CACNA2D2: variants seen among roughly 807,000 people sequenced by gnomAD.
CACNA2D2 encodes calcium voltage-gated channel auxiliary subunit alpha2delta 2, also known as voltage-dependent calcium channel subunit alpha-2/delta-2.
CACNA2D2 carries 48 observed loss-of-function variants against 166.4 expected under a neutral mutation model. The ratio of observed to expected loss-of-function variants is 0.29; its 90% CI spans 0.23 to 0.37. CACNA2D2 has a LOEUF of 0.37. CACNA2D2 is among the 10% of genes least tolerant of loss of function. The probability of loss-of-function intolerance (pLI) is 1.00; values close to 1 mark genes in which losing one functional copy is unlikely to be tolerated. For missense variants in CACNA2D2, 1,122 were observed against 1,433.0 expected, an observed-to-expected ratio of 0.78 and a Z score of 3.50; for synonymous variants, 561 against 573.7, an observed-to-expected ratio of 0.98 and a Z score of 0.32.
chr3:50,382,968 G>C (rs368798803), intron 6 of CACNA2D2, among the ~76,000 whole-genome samples: 5 of 152,226 alleles, frequency 3.3e-5, no homozygotes, highest in Admixed American at 6.5e-5. Flanking sequence ...AGCCCCATGC[G>C]CACAGACCCG....
At chr3:50,454,264 G>C (rs1709247906) in intron 2 of CACNA2D2, among the ~76,000 whole-genome samples, 2 of 152,206 alleles carry the variant, frequency 1.3e-5, no homozygotes, top group African/African-American at 4.8e-5. Flanking sequence ...GAAAAGAAGG[G>C]GAAGGGACCG....
intron 4 of CACNA2D2, among the ~76,000 whole-genome samples, chr3:50,388,391 C>G (rs1705717693): frequency 6.6e-6 from 1 of 152,274 alleles, no homozygotes. Context: ...ACTCTGCCCC[C>G]ATGGGCTTCA....
chr3:50,426,836 C>A (rs552738870), intron 3 of CACNA2D2, among the ~76,000 whole-genome samples: 102 of 152,300 alleles, frequency 6.7e-4, no homozygotes, highest in African/African-American at 2.3e-3. Context: ...CTTGTCTGAC[C>A]ACCACTAGCT....
Position 50,367,486 on chromosome 3 carries a change from T to A in CACNA2D2, c.2309A>T (p.Asp770Val). The stretch of plus-strand genomic sequence containing the variant: ...GAAGGGCTCAGGGTTCTCTGTCCAG[T>A]CCTCAGCTGCCCTGGAGCACCCAAG... Reference protein sequence around the residue: ...TRVFPNKAAEDWTENPEPFNA... With the variant: ...TRVFPNKAAEVWTENPEPFNA... The change falls in exon 27 of 38, where the codon GAC (aspartate) becomes GTC (valine). Residue 770 changes from aspartate (D) to valine (V), a missense_variant. By Grantham distance (152) the Asp-to-Val change is radical. This residue lies in a region of CACNA2D2 where 840 missense variants were observed against 1,166.8 expected (regional missense o/e 0.72). Transcript: ENST00000424201. The surrounding 1 kb of genome is among the most constrained non-coding windows in gnomAD (Gnocchi z 6.5). The A allele has an allele frequency of 6.2e-7, 1 of 1,613,856 alleles. No individual in the cohort carries two copies. The highest frequency in any genetic ancestry group is 8.5e-7 in the Non-Finnish European group (1 of 1,179,956).
chr3:50,370,912 T>C (rs1450358200), intron 22 of CACNA2D2, among the ~76,000 whole-genome samples: 1 of 152,060 alleles, frequency 6.6e-6, no homozygotes, highest in Non-Finnish European at 1.5e-5. Context: ...TTTTGGTAGG[T>C]CTTGCTTTTG....
intron 3 of CACNA2D2, among the ~76,000 whole-genome samples, chr3:50,407,796 G>C (rs1317826727): frequency 2.0e-5 from 3 of 152,220 alleles, no homozygotes. Flanking sequence ...GCTAAGCCAG[G>C]TGGGCTTTGG....
At chr3:50,486,982 G>A (rs1698312832) in intron 1 of CACNA2D2, among the ~76,000 whole-genome samples, 1 of 152,238 alleles carries the variant, frequency 6.6e-6, no homozygotes, top group Non-Finnish European at 1.5e-5. Context: ...GACGCGGAGG[G>A]CCTGCGTGCT....
At chr3:50,495,353 C>T (rs971225395) in intron 1 of CACNA2D2, among the ~76,000 whole-genome samples, 9 of 152,174 alleles carry the variant, frequency 5.9e-5, no homozygotes, top group African/African-American at 1.7e-4. Context: ...TCCCAAGGGC[C>T]CTGGGCCATC....
chr3:50,472,738 A>T (rs891435905), intron 2 of CACNA2D2, among the ~76,000 whole-genome samples: 1 of 152,058 alleles, frequency 6.6e-6, no homozygotes, highest in Non-Finnish European at 1.5e-5. Context: ...CAGAGAGGGG[A>T]GACCTGTCCC....
Position 50,364,404 on chromosome 3 carries a change from TG to T in CACNA2D2, c.*261del. ...GTGTGGCCTCCCTGTCCCATCCCAC[TG>T]GGGGGAGCCCAGCAGGCAAGAAGGG... is the stretch of plus-strand genomic sequence containing the variant. On this transcript the variant is annotated 3_prime_UTR_variant, in exon 38 of 38. Coordinates refer to ENST00000424201, the MANE Select transcript of CACNA2D2 (RefSeq NM_006030.4). The T allele has an allele frequency of 1.3e-5, 6 of 478,842 alleles. No individual in the cohort carries two copies. Among genetic ancestry groups the T allele is most frequent in the Admixed American group, 7.8e-5 (2 of 25,722 alleles). The allele number at this position is 478,842 out of a possible 1,614,324, so 29.7% of individuals were successfully genotyped here.
intron 2 of CACNA2D2, among the ~76,000 whole-genome samples, chr3:50,460,475 T>G (rs1575723629): frequency 8.0e-6 from 1 of 124,758 alleles, no homozygotes; most frequent in South Asian, 2.2e-4. Flanking sequence ...AAATAAAAAG[T>G]TTTTTTTTTA....
intron 22 of CACNA2D2, among the ~76,000 whole-genome samples, chr3:50,373,620 G>A (rs111210618): frequency 2.6e-5 from 3 of 115,442 alleles, no homozygotes; most frequent in African/African-American, 6.9e-5. Flanking sequence ...GGACTGAAGG[G>A]GGGGGGGTGC....
intron 3 of CACNA2D2, among the ~76,000 whole-genome samples, chr3:50,429,591 A>AC (rs1462434484): frequency 8.4e-6 from 1 of 119,036 alleles, no homozygotes; most frequent in East Asian, 2.3e-4. Context: ...TACTAAAAAT[A>AC]CAAAAAAAAA....
At chr3:50,452,841 A>G (rs1416951155) in intron 2 of CACNA2D2, among the ~76,000 whole-genome samples, 1 of 152,208 alleles carries the variant, frequency 6.6e-6, no homozygotes, top group Non-Finnish European at 1.5e-5. Flanking sequence ...AGACCCTGAC[A>G]GCAAAGAAGT....
intron 22 of CACNA2D2, among the ~76,000 whole-genome samples, chr3:50,373,623 G>T (rs1479165882): frequency 8.7e-6 from 1 of 114,606 alleles, no homozygotes; most frequent in African/African-American, 3.4e-5. Context: ...CTGAAGGGGG[G>T]GGGGTGCTGG....
intron 3 of CACNA2D2, 25 bp downstream of exon 3, chr3:50,434,288 C>A (rs982896080): frequency 6.4e-7 from 1 of 1,552,320 alleles, no homozygotes; most frequent in Non-Finnish European, 8.9e-7. Flanking sequence ...AGTGCCGCCC[C>A]CCTGCCCCCA....
rs746219103 is a variant in CACNA2D2, at chr3:50,367,343, G to A, written c.2401+51C>T. The A allele has an allele frequency of 5.3e-6, 8 of 1,522,678 alleles. No homozygotes were observed. The African/African-American group carries it at 9.6e-5, about 18-fold the overall frequency. 94.3% of individuals were successfully genotyped at this position (1,522,678 alleles called of 1,614,324 possible). On this transcript the variant is annotated intron_variant, in intron 27 of 37. Transcript: ENST00000424201. The surrounding 1 kb of genome is among the most constrained non-coding windows in gnomAD (Gnocchi z 6.5). ...GAGCCCAGTTCTGGCTGAGCAGACAGGGAAGCTGAGGCTCCCTGCCTGCTG... is the reference window on the plus strand; with the variant it reads ...GAGCCCAGTTCTGGCTGAGCAGACAAGGAAGCTGAGGCTCCCTGCCTGCTG...
At position 50,377,813 on chromosome 3, in the gene CACNA2D2, G is replaced by A. The variant is rs369057505; in HGVS notation, c.1480-10C>T. The A allele has an allele frequency of 2.5e-6, 4 of 1,611,108 alleles. No homozygotes were observed. Among genetic ancestry groups the A allele is most frequent in the Non-Finnish European group, 3.4e-6 (4 of 1,178,374 alleles). On this transcript the variant is annotated splice_polypyrimidine_tract_variant and intron_variant, in intron 15 of 37. Coordinates refer to ENST00000424201, the MANE Select transcript of CACNA2D2 (RefSeq NM_006030.4). ...CCACCAACCCCAGTCCCTGAAGGGA[G>A]AGGAAGATGATGGAGTCACCTGTGG...
At chr3:50,452,813 T>C (rs2236983) in intron 2 of CACNA2D2, among the ~76,000 whole-genome samples, 24,219 of 152,104 alleles carry the variant, frequency 0.16, 2,640 homozygotes, top group East Asian at 0.42. Context: ...GCAGGCTGGT[T>C]ACACCAAGGC....
Sources: allele counts gnomAD v4.1 joint callset (sites outside exome capture counted in the v4.1 genomes callset), GRCh38; gene constraint gnomAD v4.1.1; regional missense constraint gnomAD v4.1.1; non-coding constraint Gnocchi (gnomAD v3.1); transcripts MANE v1.5; gene names NCBI Gene and HGNC (gene_info 2026-07-23, HGNC 2026-07-21).